Variants in DMD observed in about 807,000 individuals in gnomAD.
DMD encodes the protein mutant dystrophin.
A neutral mutation model predicts 330.1 loss-of-function variants in DMD; 63 were observed. The ratio of observed to expected loss-of-function variants is 0.19; its 90% CI spans 0.16 to 0.24. The LOEUF is 0.24. Among genes scored for constraint, DMD ranks in the 10% least tolerant of loss-of-function variants. The pLI, the probability that DMD is intolerant of heterozygous loss-of-function variation, is 1.00. For missense variants in DMD, 3,344 were observed against 2,684.1 expected, an observed-to-expected ratio of 1.25 and a Z score of -5.43; for synonymous variants, 1,223 against 959.8, an observed-to-expected ratio of 1.27 and a Z score of -5.07.
chrX:32,844,577 T>G (rs1930770413), intron 4 of DMD, among the ~76,000 whole-genome samples: 1 of 111,778 alleles, frequency 8.9e-6, no homozygotes, highest in Non-Finnish European at 1.9e-5. Flanking sequence ...TCTTTTCCCT[T>G]CCCTCTGTGG....
intron 7 of DMD, among the ~76,000 whole-genome samples, chrX:32,716,513 C>A (rs2065751848): frequency 9.0e-6 from 1 of 111,436 alleles, no homozygotes; most frequent in Non-Finnish European, 1.9e-5. Flanking sequence ...ACAAATTACT[C>A]AATCTCAGGT....
intron 9 of DMD, among the ~76,000 whole-genome samples, chrX:32,693,393 G>A (rs183361031): frequency 3.1e-4 from 35 of 111,982 alleles, no homozygotes; most frequent in African/African-American, 1.1e-3. Context: ...TAGTTATCAG[G>A]ATGGGTTAAT....
chrX:32,679,865 C>T (rs2062247544), intron 9 of DMD, among the ~76,000 whole-genome samples: 1 of 92,472 alleles, frequency 1.1e-5, no homozygotes, highest in African/African-American at 4.1e-5. Context: ...GAAACGTTCA[C>T]TAAATTGTTG....
intron 1 of DMD, among the ~76,000 whole-genome samples, chrX:33,123,336 C>T (rs1483837327): frequency 8.9e-6 from 1 of 111,970 alleles, no homozygotes; most frequent in East Asian, 2.8e-4. Context: ...AGATATGATT[C>T]CTTCACCATG....
Position 31,253,592 on chromosome X carries a change from G to A in DMD, c.9286+7363C>T, listed in dbSNP as rs78825788. On this transcript the variant is annotated intron_variant, in intron 63 of 78. Coordinates refer to ENST00000357033, the MANE Select transcript of DMD (RefSeq NM_004006.3). ...GGCAAGCTGAGGAAAGAGGTACAAG[G>A]ATTTTGATAGCAGTGTTTTTAACTC... Among the ~76,000 whole-genome samples the A allele has an allele frequency of 3.8e-3, 423 of 111,540 alleles. 2 individuals are homozygous for A. The highest frequency in any genetic ancestry group is 5.8e-3 in the Non-Finnish European group (307 of 53,090).
chrX:32,428,378 A>G (rs988257601), intron 29 of DMD, among the ~76,000 whole-genome samples: 4 of 111,484 alleles, frequency 3.6e-5, no homozygotes, highest in African/African-American at 6.5e-5. Context: ...AAATGTATTG[A>G]CATTTCCATG....
chrX:32,917,428 A>G (rs73219751), intron 2 of DMD, among the ~76,000 whole-genome samples: 5,502 of 111,777 alleles, frequency 0.049, 111 homozygotes, highest in African/African-American at 0.083. Context: ...CATTTACTAT[A>G]TATCTTAGAT....
chrX:31,593,008 T>C (rs1250888177), intron 55 of DMD, among the ~76,000 whole-genome samples: 1 of 111,139 alleles, frequency 9.0e-6, no homozygotes, highest in Non-Finnish European at 1.9e-5. Context: ...ATTATAATAG[T>C]CCTAGATTTT....
chrX:31,766,394 G>A (rs2089995550), intron 51 of DMD, among the ~76,000 whole-genome samples: 1 of 111,546 alleles, frequency 9.0e-6, no homozygotes, highest in African/African-American at 3.3e-5. Flanking sequence ...GAGTAGCTGG[G>A]GCTACAGGCA....
intron 44 of DMD, among the ~76,000 whole-genome samples, chrX:32,054,460 T>C (rs1387562484): frequency 3.7e-5 from 4 of 107,695 alleles, no homozygotes; most frequent in African/African-American, 1.4e-4. Flanking sequence ...TTTTTGTCCT[T>C]GCAATAGTTT....
At chrX:32,754,678 T>C (rs2071278311) in intron 7 of DMD, among the ~76,000 whole-genome samples, 1 of 111,905 alleles carries the variant, frequency 8.9e-6, no homozygotes, top group Admixed American at 9.5e-5. Flanking sequence ...AACAAACTTA[T>C]CGCAGATTTA....
chrX:33,218,004 T>C (rs967118995), intron 1 of DMD, among the ~76,000 whole-genome samples: 2 of 111,586 alleles, frequency 1.8e-5, no homozygotes, highest in African/African-American at 6.5e-5. Flanking sequence ...CGTCTTTGCC[T>C]TAATCCTAAT....
intron 2 of DMD, among the ~76,000 whole-genome samples, chrX:32,924,856 C>T (rs1447176421): frequency 9.0e-6 from 1 of 111,175 alleles, no homozygotes; most frequent in South Asian, 3.8e-4. Flanking sequence ...TTTAGTACTT[C>T]AGCAGTAGGT....
intron 60 of DMD, among the ~76,000 whole-genome samples, chrX:31,411,975 C>T (rs1427487001): frequency 9.2e-6 from 1 of 109,221 alleles, no homozygotes; most frequent in Non-Finnish European, 1.9e-5. Flanking sequence ...CACCTGAGGT[C>T]AGGAGTTCGA....
chrX:33,329,334 C>T (rs2054136269), intron 1 of DMD, among the ~76,000 whole-genome samples: 1 of 111,712 alleles, frequency 9.0e-6, no homozygotes, highest in South Asian at 3.7e-4. Flanking sequence ...CTTTGTTTAC[C>T]TACCTTGAAA....
intron 44 of DMD, among the ~76,000 whole-genome samples, chrX:32,105,579 A>G (rs1229168073): frequency 8.9e-6 from 1 of 112,040 alleles, no homozygotes; most frequent in Non-Finnish European, 1.9e-5. Flanking sequence ...CAATCATATT[A>G]ATGATTTAAA....
At chrX:32,629,941 G>A (rs1465560598) in intron 11 of DMD, among the ~76,000 whole-genome samples, 2 of 111,171 alleles carry the variant, frequency 1.8e-5, no homozygotes, top group Non-Finnish European at 3.8e-5. Context: ...TTTTACTCAA[G>A]ATATGGGTAG....
At chrX:31,549,813 A>G (rs1451985288) in intron 55 of DMD, among the ~76,000 whole-genome samples, 3 of 112,517 alleles carry the variant, frequency 2.7e-5, no homozygotes, top group Non-Finnish European at 5.6e-5. Context: ...TATTCTTGAT[A>G]TTTAAAAGAA....
intron 7 of DMD, among the ~76,000 whole-genome samples, chrX:32,809,284 T>C (rs1182472825): frequency 2.7e-5 from 3 of 112,072 alleles, no homozygotes; most frequent in East Asian, 2.8e-4. Context: ...AAGTCTTCAC[T>C]GCAATTTTAG....
Sources: gnomAD v4.1 joint callset for allele counts (sites outside exome capture counted in the v4.1 genomes callset) on GRCh38, gnomAD v4.1.1 for gene constraint, MANE v1.5 for transcripts, NCBI Gene and HGNC (gene_info 2026-07-23, HGNC 2026-07-21) for gene names.